The following EDRF1 variants were observed in gnomAD, a reference collection of about 807,000 sequenced individuals.
EDRF1 encodes erythroid differentiation-related factor 1.
EDRF1 carries 69 observed loss-of-function variants against 148.7 expected under a neutral mutation model. The ratio of observed to expected loss-of-function variants is 0.46; its 90% CI spans 0.38 to 0.57. The LOEUF (loss-of-function observed/expected upper bound fraction) is 0.57. Ranked by LOEUF, EDRF1 falls within the 20% of genes least tolerant of loss-of-function variation. The pLI, the probability that EDRF1 is intolerant of heterozygous loss-of-function variation, is 0.00. For missense variants in EDRF1, 1,118 were observed against 1,478.7 expected, an observed-to-expected ratio of 0.76 and a Z score of 4.00; for synonymous variants, 515 against 532.8, an observed-to-expected ratio of 0.97 and a Z score of 0.46.
intron 15 of EDRF1, among the ~76,000 whole-genome samples, chr10:125,739,487 C>T (rs1422193661): frequency 6.6e-6 from 1 of 152,176 alleles, no homozygotes; most frequent in Non-Finnish European, 1.5e-5. Flanking sequence ...GTCAGAGTTC[C>T]AGCATTAAAT....
At chr10:125,750,068 G>A (rs1849562476) in intron 22 of EDRF1, among the ~76,000 whole-genome samples, 1 of 152,226 alleles carries the variant, frequency 6.6e-6, no homozygotes, top group African/African-American at 2.4e-5. Flanking sequence ...TTGAACCCAG[G>A]AGGCGAAGGT....
rs765619010 is a variant in EDRF1, at chr10:125,742,197, G to T, written c.2372-861G>T. ...CATAGCCACCTGTCTTGCTTAATAT[G>T]TCACTCTGTTTGGAATTGTCAGGCT... On this transcript the variant is annotated intron_variant, in intron 17 of 24. Transcript: ENST00000356792. 19 of 1,283,730 alleles carry T rather than the reference G, an allele frequency of 1.5e-5. No homozygotes were observed. The South Asian group carries it at 1.9e-4, about 13-fold the overall frequency. The allele number at this position is 1,283,730 out of a possible 1,614,324, so 79.5% of individuals were successfully genotyped here.
chr10:125,726,737 A>G (rs1428718098), intron 6 of EDRF1, among the ~76,000 whole-genome samples: 1 of 152,230 alleles, frequency 6.6e-6, no homozygotes, highest in Non-Finnish European at 1.5e-5. Flanking sequence ...ATGAATTTAA[A>G]TTTCTTTCAA....
chr10:125,725,355 G>A lies in EDRF1; in HGVS notation c.548G>A (p.Arg183Lys). 1 of 1,613,960 alleles carries A rather than the reference G, an allele frequency of 6.2e-7. No individual in the cohort carries two copies. Among genetic ancestry groups the A allele is most frequent in the East Asian group, 2.2e-5 (1 of 44,836 alleles). ...ACATGGTTGAAAGAGTTTTATCAAA[G>A]ACTCATTGATCAGAAGTGGCAGAGG... ...DWTWLKEFYQ[R>K]LIDQKWQRKK... The change falls in exon 5 of 25, where the codon AGA (arginine) becomes AAA (lysine). Residue 183 changes from arginine (R) to lysine (K), a missense_variant. Physicochemically the swap from Arg to Lys is conservative, Grantham distance 26. This residue lies in a region of EDRF1 where 99 missense variants were observed against 186.9 expected (regional missense o/e 0.53). Coordinates refer to ENST00000356792, the MANE Select transcript of EDRF1 (RefSeq NM_001202438.2).
chr10:125,739,612 C>G (rs1042079867), intron 15 of EDRF1, among the ~76,000 whole-genome samples: 1 of 152,174 alleles, frequency 6.6e-6, no homozygotes, highest in African/African-American at 2.4e-5. Flanking sequence ...GGAAAAAAAT[C>G]CATACACACA....
intron 24 of EDRF1, among the ~76,000 whole-genome samples, chr10:125,758,806 G>T (rs1850049583): frequency 6.6e-6 from 1 of 152,146 alleles, no homozygotes; most frequent in Non-Finnish European, 1.5e-5. Context: ...CAGGGAGTTA[G>T]CAAGGACTCC....
chr10:125,762,309 A>T (rs1850229067), intron 24 of EDRF1, among the ~76,000 whole-genome samples: 1 of 152,204 alleles, frequency 6.6e-6, no homozygotes. Context: ...CCTTAGTCCA[A>T]ACTGTTAACC....
At chr10:125,747,232 A>C (rs957726938) in intron 19 of EDRF1, 5 of 298,768 alleles carry the variant, frequency 1.7e-5, no homozygotes, top group Non-Finnish European at 3.1e-5. Flanking sequence ...TAGAAAGAAA[A>C]AAAAAAACAA....
chr10:125,740,612 A>C lies in EDRF1; in HGVS notation c.2131A>C (p.Arg711=). ...TGCCATGAGTCTTCAGAAATACGGA[A>C]GAGCATTACGATACATTAAATTAGC... ...DAAMSLQKYG[R]ALRYIKLALQ... is the part of the protein sequence containing the mutation. Residue 711 remains arginine, a synonymous_variant, in exon 16 of 25, where the codon AGA becomes CGA. Transcript: ENST00000356792. 1 of 1,614,090 alleles carries C rather than the reference A, an allele frequency of 6.2e-7. No homozygotes were observed. Among genetic ancestry groups the C allele is most frequent in the East Asian group, 2.2e-5 (1 of 44,876 alleles).
chr10:125,727,469 A>G (rs1848311997), intron 6 of EDRF1, among the ~76,000 whole-genome samples: 1 of 152,252 alleles, frequency 6.6e-6, no homozygotes, highest in African/African-American at 2.4e-5. Context: ...AGAGCCAGAC[A>G]TTTATTGAGA....
intron 6 of EDRF1, among the ~76,000 whole-genome samples, chr10:125,728,781 C>A (rs1217282127): frequency 6.6e-6 from 1 of 152,194 alleles, no homozygotes; most frequent in African/African-American, 2.4e-5. Context: ...TAATCTATCT[C>A]TCTTGAGTAA....
chr10:125,721,592 A>G (rs4962483), intron 2 of EDRF1, among the ~76,000 whole-genome samples, 180 bp downstream of exon 2: 111,001 of 152,220 alleles, frequency 0.73, 40,942 homozygotes, highest in East Asian at 0.9. Flanking sequence ...ACATGAAGAT[A>G]TACATACAAT....
chr10:125,756,286 T>A (rs370044601), intron 24 of EDRF1, among the ~76,000 whole-genome samples: 1 of 152,244 alleles, frequency 6.6e-6, no homozygotes, highest in Non-Finnish European at 1.5e-5. Context: ...AATTCTATTA[T>A]GTGCTGAGAC....
chr10:125,746,763 A>C (rs952026950), intron 19 of EDRF1: 1 of 152,204 alleles, frequency 6.6e-6, no homozygotes, highest in African/African-American at 2.4e-5. Context: ...TGGCATTATA[A>C]TATTTTTAGT....
intron 24 of EDRF1, chr10:125,757,041 T>G (rs1849934200): frequency 2.3e-6 from 1 of 434,148 alleles, no homozygotes; most frequent in Non-Finnish European, 4.5e-6. Flanking sequence ...TCAAAACTCC[T>G]GGGTCAAGCA....
chr10:125,749,330 G>C (rs1300233004), intron 21 of EDRF1, 82 bp from the exon 22 acceptor site: 2 of 1,524,460 alleles, frequency 1.3e-6, no homozygotes, highest in African/African-American at 2.7e-5. Flanking sequence ...CCCACAGTGG[G>C]GGAAAAATAA....
At chr10:125,721,089 GT>G in intron 1 of EDRF1, 114 bp from the exon 2 acceptor site, 1 of 948,142 alleles carries the variant, frequency 1.1e-6, no homozygotes. Context: ...TTAGTAACAT[GT>G]GGCATACGTT....
In EDRF1 at chr10:125,752,980, TG is replaced by T. The variant is rs1049435259; in HGVS notation, c.3393+68del. 160 of 1,113,006 alleles carry T rather than the reference TG, an allele frequency of 1.4e-4. 1 individual carries two copies. In the African/African-American group the frequency reaches 2.2e-3, roughly 15 times the overall value. The allele number at this position is 1,113,006 out of a possible 1,614,324, so 68.9% of individuals were successfully genotyped here. A position where few individuals can be genotyped will look rare whatever the true frequency, so the allele number is the denominator to read the frequency against. On this transcript the variant is annotated intron_variant, in intron 23 of 24. Coordinates refer to ENST00000356792, the MANE Select transcript of EDRF1 (RefSeq NM_001202438.2). ...TAAGCTACATGGTGAATGTATATAG[TG>T]GACGTGTGTGTGTATGTGTGTGGGT...
intron 24 of EDRF1, 95 bp downstream of exon 24, chr10:125,753,940 G>C: frequency 7.3e-7 from 1 of 1,376,940 alleles, no homozygotes; most frequent in Non-Finnish European, 1.0e-6. Flanking sequence ...TAGGGGCCAG[G>C]CACATTGGCT....
Sources: allele counts gnomAD v4.1 joint callset (sites outside exome capture counted in the v4.1 genomes callset), GRCh38; gene constraint gnomAD v4.1.1; regional missense constraint gnomAD v4.1.1; transcripts MANE v1.5; gene names NCBI Gene and HGNC (gene_info 2026-07-23, HGNC 2026-07-21).